Variants in CTU2 observed in about 807,000 individuals in gnomAD.
CTU2 encodes cytoplasmic tRNA 2-thiolation protein 2.
CTU2 carries 80 observed loss-of-function variants against 64.1 expected under a neutral mutation model. The observed-to-expected ratio is 1.25, with a 90% CI of 1.04 to 1.50. CTU2 has a LOEUF of 1.50. CTU2 is among the 40% of genes most tolerant of loss of function. The pLI is 0.00. For synonymous variants in CTU2, 482 were observed against 285.3 expected (o/e 1.69, Z -6.95); for missense variants, 1,110 against 690.2 (o/e 1.61, Z -6.81).
rs11549837 is a variant in CTU2 at position 88,713,331 on chromosome 16, A to G, written c.757A>G (p.Met253Val). 0.36 allele frequency: 562,888 copies of G among 1,562,380 alleles called. 104,160 individuals are homozygous for G. The highest frequency in any genetic ancestry group is 0.62 in the East Asian group (25,407 of 41,016). The change falls in exon 8 of 15, where the codon ATG (methionine) becomes GTG (valine). Residue 253 changes from methionine to valine, a missense_variant. By Grantham distance (21) the Met-to-Val change is conservative. Coordinates refer to ENST00000453996, the MANE Select transcript of CTU2 (RefSeq NM_001012759.3). ...CTTTAGGACCCACCTGATCCTCCACATGGCCCGAGCCCACGGCTACTCCAA... is the reference window on the plus strand; with the variant it reads ...CTTTAGGACCCACCTGATCCTCCACGTGGCCCGAGCCCACGGCTACTCCAA... ...QTLRTHLILH[M>V]ARAHGYSKVM...
chr16:88,707,184 G>A lies in CTU2; in HGVS notation c.117G>A (p.Val39=). Residue 39 remains valine (V), a synonymous_variant, in exon 2 of 15, where the codon GTG becomes GTA. Coordinates refer to ENST00000453996, the MANE Select transcript of CTU2 (RefSeq NM_001012759.3). The part of the protein sequence containing the change: ...VKCKEAQPVV[V]IRAGDAFCRD... ...GCAAGGAAGCGCAGCCCGTTGTGGT[G>A]ATACGAGCCGGAGATGCCTTCTGCA... 1.2e-6 allele frequency: 2 copies of A among 1,613,976 alleles called. No individual in the cohort carries two copies. The highest frequency in any genetic ancestry group is 1.7e-6 in the Non-Finnish European group (2 of 1,179,998).
intron 2 of CTU2, 142 bp from the exon 3 acceptor site, chr16:88,709,796 A>G (rs1911169981): frequency 2.7e-6 from 2 of 747,272 alleles, no homozygotes; most frequent in Non-Finnish European, 4.6e-6. Flanking sequence ...CCCTTTCACC[A>G]GTCTCTGGAC....
rs755292375 is a variant in CTU2 at position 88,715,039 on chromosome 16, C to T, written c.1420-9C>T. On this transcript the variant is annotated splice_polypyrimidine_tract_variant and intron_variant, in intron 13 of 14. Transcript: ENST00000453996. ...TTTCTTGGCCCCTCGACACCGGCCT[C>T]TGTTGCAGCCCTCACTGGACCCCCT... 5 of 1,576,318 alleles carry T rather than the reference C, an allele frequency of 3.2e-6. No homozygotes were observed. Among genetic ancestry groups the T allele is most frequent in the African/African-American group, 2.7e-5 (2 of 74,444 alleles).
Position 88,715,030 on chromosome 16 carries a change from C to T in CTU2, c.1420-18C>T, listed in dbSNP as rs1448072892. ...GCTGGCAGGTTTCTTGGCCCCTCGA[C>T]ACCGGCCTCTGTTGCAGCCCTCACT... On this transcript the variant is annotated intron_variant, in intron 13 of 14. Transcript: ENST00000453996. The T allele has an allele frequency of 6.3e-6, 10 of 1,578,294 alleles. No individual in the cohort carries two copies. The highest frequency in any genetic ancestry group is 2.7e-5 in the African/African-American group (2 of 74,406).
intron 10 of CTU2, 26 bp from the exon 11 acceptor site, chr16:88,714,357 C>T: frequency 5.6e-6 from 9 of 1,611,088 alleles, no homozygotes; most frequent in Non-Finnish European, 7.6e-6. Flanking sequence ...TGTGATTCAC[C>T]TGCTCCTCCC....
rs3826076 is a variant in CTU2, at chr16:88,714,110, A to G, written c.1006-26A>G. 0.89 allele frequency: 1,434,479 copies of G among 1,607,976 alleles called. 640,481 individuals carry two copies. The highest frequency in any genetic ancestry group is 0.94 in the Middle Eastern group (5,662 of 6,054). On this transcript the variant is annotated intron_variant, in intron 9 of 14. Coordinates refer to ENST00000453996, the MANE Select transcript of CTU2 (RefSeq NM_001012759.3). ...CTGGGGCTGGCCTCTGGGCTTTCCC[A>G]TAGCCTCCAATCTGATTGTCCCTAG...
In CTU2 at chr16:88,713,421, C is replaced by G. The variant is rs768059367; in HGVS notation, c.847C>G (p.Arg283Gly). ...IKLMTNLALG[R>G]GAFLAWDTGF... ...GCTCATGACCAACCTGGCGCTGGGTCGAGGGGCCTTCCTGGCCTGGGATAC... is the reference window on the plus strand; with the variant it reads ...GCTCATGACCAACCTGGCGCTGGGTGGAGGGGCCTTCCTGGCCTGGGATAC... The change falls in exon 8 of 15, where the codon CGA becomes GGA. Residue 283 changes from arginine (R) to glycine (G), a missense_variant. Arg to Gly is a moderately radical substitution (Grantham distance 125, BLOSUM62 -2). Transcript: ENST00000453996. 1.9e-5 allele frequency: 30 copies of G among 1,592,654 alleles called. No individual in the cohort carries two copies. Among genetic ancestry groups the G allele is most frequent in the Non-Finnish European group, 2.4e-5 (28 of 1,173,368 alleles).
rs150574753 is a variant in CTU2, at chr16:88,710,620, C to G, written c.282+338C>G. On this transcript the variant is annotated intron_variant, in intron 4 of 14. Transcript: ENST00000453996. ...CCACAGTGCGTGTGTGCGGCCCACT[C>G]TCAGATGTGTTTACAGCAGGTGCAC... 492 of 311,240 alleles carry G rather than the reference C, an allele frequency of 1.6e-3. 3 individuals are homozygous for G. Among genetic ancestry groups the G allele is most frequent in the African/African-American group, 0.01 (466 of 45,948 alleles). 19.3% of individuals were successfully genotyped at this position (311,240 alleles called of 1,614,324 possible).
At chr16:88,713,803 T>C (rs887423577) in intron 9 of CTU2, 25 bp downstream of exon 9, 2 of 1,610,454 alleles carry the variant, frequency 1.2e-6, no homozygotes, top group African/African-American at 2.7e-5. Flanking sequence ...CTGGGCAACC[T>C]CTCTCACCAT....
rs1276542711 is a variant in CTU2 at position 88,713,720 on chromosome 16, C to G, written c.947C>G (p.Ala316Gly). Residue 316 changes from alanine to glycine, a missense_variant, in exon 9 of 15, where the codon GCT becomes GGT. By Grantham distance (60) the Ala-to-Gly change is moderately conservative. Coordinates refer to ENST00000453996, the MANE Select transcript of CTU2 (RefSeq NM_001012759.3). ...CGGGACCACACCCTGAAGGAGGTCG[C>G]TTTCTACAACCGCCTGTTCTCCGTT... ...PMRDHTLKEV[A>G]FYNRLFSVPS... is the part of the protein sequence containing the mutation. 6.2e-7 allele frequency: 1 copy of G among 1,612,696 alleles called. No homozygotes were observed. Among genetic ancestry groups the G allele is most frequent in the Non-Finnish European group, 8.5e-7 (1 of 1,179,894 alleles).
At chr16:88,706,659 C>A in intron 1 of CTU2, 61 bp downstream of exon 1, 2 of 1,232,580 alleles carry the variant, frequency 1.6e-6, no homozygotes, top group South Asian at 1.8e-5. Flanking sequence ...ACTCCTGCCC[C>A]GAAGGGTCCC....
rs935048516 is a variant in CTU2, at chr16:88,715,188, G to C, written c.1485G>C (p.Trp495Cys). 1.2e-6 allele frequency: 2 copies of C among 1,612,416 alleles called. No individual in the cohort carries two copies. The highest frequency in any genetic ancestry group is 1.7e-6 in the Non-Finnish European group (2 of 1,179,834). Reference protein sequence around the residue: ...AEAQLRTQRAWGLQEIRDCLI... With the variant: ...AEAQLRTQRACGLQEIRDCLI... ...ACTGCAGCTTTCTCTCTAGGGCCTG[G>C]GGCTTGCAGGAGATCCGGGACTGTC... is the stretch of plus-strand genomic sequence containing the variant. The change falls in exon 15 of 15, where the codon TGG (tryptophan) becomes TGC (cysteine). Residue 495 changes from tryptophan (W) to cysteine (C), a missense_variant. Physicochemically the swap from Trp to Cys is radical, Grantham distance 215 (BLOSUM62 -2). Transcript: ENST00000453996.
intron 5 of CTU2, 147 bp from the exon 6 acceptor site, chr16:88,712,127 G>A (rs995579573): frequency 1.3e-6 from 1 of 755,638 alleles, no homozygotes. Context: ...CTGCCCAAAG[G>A]AAAATGGCCG....
Position 88,713,770 on chromosome 16 carries a change from G to C in CTU2, c.997G>C (p.Asp333His). The C allele has an allele frequency of 6.2e-7, 1 of 1,612,550 alleles. No individual in the cohort carries two copies. Among genetic ancestry groups the C allele is most frequent in the Non-Finnish European group, 8.5e-7 (1 of 1,179,836 alleles). ...TCCTTCTGTCTTCACACCAGCCGTC[G>C]ACACCAAGGTGGGCCTTGTGGGCTG... The part of the protein sequence containing the change: ...SVPSVFTPAV[D>H]TKAPEKASIH... The change falls in exon 9 of 15, where the codon GAC becomes CAC. Residue 333 changes from aspartate (D) to histidine (H), a missense_variant. Coordinates refer to ENST00000453996, the MANE Select transcript of CTU2 (RefSeq NM_001012759.3).
chr16:88,714,513 TGCG>T (rs774089313), intron 11 of CTU2, 27 bp downstream of exon 11: 30 of 1,612,290 alleles, frequency 1.9e-5, no homozygotes, highest in African/African-American at 6.7e-5. Flanking sequence ...CTTGGGGTGA[TGCG>T]GGGAGGGAGC....
rs1464039754 is a variant in CTU2 at position 88,715,098 on chromosome 16, C to T, written c.1470C>T (p.Arg490=). The T allele has an allele frequency of 1.3e-6, 2 of 1,585,766 alleles. No homozygotes were observed. Among genetic ancestry groups the T allele is most frequent in the East Asian group, 4.5e-5 (2 of 44,610 alleles). The part of the protein sequence containing the change: ...PPYILAEAQL[R]TQRAWGLQEI... Reference sequence around the variant, plus strand: ...ACATCCTGGCTGAGGCCCAGCTCCGCACACAGAGGTACTGGGGCCCACACT... The same window carrying T: ...ACATCCTGGCTGAGGCCCAGCTCCGTACACAGAGGTACTGGGGCCCACACT... Residue 490 remains arginine, a synonymous_variant, in exon 14 of 15, where the codon CGC becomes CGT. Coordinates refer to ENST00000453996, the MANE Select transcript of CTU2 (RefSeq NM_001012759.3).
In CTU2 at chr16:88,714,741, A is replaced by G. The variant is rs762272739; in HGVS notation, c.1352+4A>G. 7 of 1,606,624 alleles carry G rather than the reference A, an allele frequency of 4.4e-6. No individual in the cohort carries two copies. The highest frequency in any genetic ancestry group is 1.3e-5 in the African/African-American group (1 of 74,766). ...GTGGCCAGGGGGCCTGCAGGAGGTG[A>G]GTCCCTGTCCCTGCCACCCATGGCC... On this transcript the variant is annotated splice_donor_region_variant and intron_variant, in intron 12 of 14. Transcript: ENST00000453996.
chr16:88,706,951 T>TC lies in CTU2; in HGVS notation c.69-179dup, dbSNP rs537506180. On this transcript the variant is annotated intron_variant, in intron 1 of 14. Transcript: ENST00000453996. ...TGAGCCGGCTTTTCTAGGCTAAACA[T>TC]CCCCCCAGAGCCTTTGTTTTTCTTG... The TC allele has an allele frequency of 1.4e-4, 83 of 609,356 alleles. No homozygotes were observed. The South Asian group carries it at 1.6e-3, about 12-fold the overall frequency. The allele number at this position is 609,356 out of a possible 1,614,324, so 37.7% of individuals were successfully genotyped here.
rs758016154 is a variant in CTU2 at position 88,711,725 on chromosome 16, C to CCACTTGGGGTCCA, written c.343+30_343+31insCACTTGGGGTCCA. Reference sequence around the variant, plus strand: ...GTGGGGCCATTGCTCCTCCTAGTCCCTGGCCACTTGGGGTAAGCCCTGCGG... The same window carrying CCACTTGGGGTCCA: ...GTGGGGCCATTGCTCCTCCTAGTCCCCACTTGGGGTCCATGGCCACTTGGGGTAAGCCCTGCGG... On this transcript the variant is annotated intron_variant, in intron 5 of 14. Coordinates refer to ENST00000453996, the MANE Select transcript of CTU2 (RefSeq NM_001012759.3). 4.4e-6 allele frequency: 7 copies of CCACTTGGGGTCCA among 1,590,892 alleles called. 1 individual carries two copies. The East Asian group carries it at 1.6e-4, about 36-fold the overall frequency.
Sources: allele counts gnomAD v4.1 joint callset, GRCh38; gene constraint gnomAD v4.1.1; transcripts MANE v1.5; gene names NCBI Gene and HGNC (gene_info 2026-07-23, HGNC 2026-07-21).